The following HDAC4 variants were observed in gnomAD, a reference collection of about 807,000 sequenced individuals.
HDAC4 encodes the protein histone deacetylase A.
Under a neutral mutation model 135.1 loss-of-function variants are expected in HDAC4, and 16 were observed. The observed-to-expected ratio is 0.12, with a 90% CI of 0.08 to 0.18. HDAC4 has a LOEUF of 0.18. Among genes scored for constraint, HDAC4 ranks in the 10% least tolerant of loss-of-function variants. The probability of loss-of-function intolerance (pLI) is 1.00; values close to 1 mark genes in which losing one functional copy is unlikely to be tolerated. For synonymous variants in HDAC4, 685 were observed against 653.4 expected (o/e 1.05, Z -0.74); for missense variants, 1,143 against 1,511.8 (o/e 0.76, Z 4.05).
At position 239,352,709 on chromosome 2, in the gene HDAC4, T is replaced by C. The variant is rs1369156162; in HGVS notation, c.-10A>G. 25 of 1,556,924 alleles carry C rather than the reference T, an allele frequency of 1.6e-5. No individual in the cohort carries two copies. In the South Asian group the frequency reaches 1.8e-4, roughly 11 times the overall value. ...GGCTTTGGGAGCTCATTGCTAGCAA[T>C]GTCCACTCCTTTAAGTGATTCGAAA... On this transcript the variant is annotated 5_prime_UTR_variant, in exon 2 of 27. Transcript: ENST00000543185. The surrounding 1 kb of genome is among the most constrained non-coding windows in gnomAD (Gnocchi z 4.4).
Position 239,307,584 on chromosome 2 carries a change from C to T in HDAC4, c.22+45094G>A, listed in dbSNP as rs1273862663. ...AAGTGAGTGTCTGCTTCCTGGACCT[C>T]GCAGACTCACCAGGGACCCTAAACT... is the stretch of plus-strand genomic sequence containing the variant. On this transcript the variant is annotated intron_variant, in intron 2 of 26. Coordinates refer to ENST00000543185, the MANE Select transcript of HDAC4 (RefSeq NM_001378414.1). This position sits in a 1 kb window ranked among gnomAD's most constrained non-coding sequence, Gnocchi z 4.8. 1.3e-5 allele frequency among the ~76,000 whole-genome samples: 2 copies of T among 152,168 alleles called. No homozygotes were observed. The highest frequency in any genetic ancestry group is 2.9e-5 in the Non-Finnish European group (2 of 68,038).
At chr2:239,098,267 C>T (rs1392339388) in intron 16 of HDAC4, among the ~76,000 whole-genome samples, 10 of 152,330 alleles carry the variant, frequency 6.6e-5, no homozygotes, top group South Asian at 2.1e-4. Flanking sequence ...GGCCACGAAA[C>T]GTTCCAGCCT....
chr2:239,289,549 C>T (rs1368851217), intron 2 of HDAC4, among the ~76,000 whole-genome samples: 1 of 152,048 alleles, frequency 6.6e-6, no homozygotes, highest in African/African-American at 2.4e-5. Context: ...AGCACCAGGC[C>T]AATAAAGAAT....
intron 3 of HDAC4, among the ~76,000 whole-genome samples, chr2:239,219,017 GC>G (rs1474530929): frequency 7.7e-6 from 1 of 129,050 alleles, no homozygotes; most frequent in African/African-American, 2.8e-5. Context: ...TTACACTGTT[GC>G]TGGGACTGTA....
chr2:239,189,756 C>T (rs909642946), intron 4 of HDAC4, 77 bp downstream of exon 4: 39 of 1,436,290 alleles, frequency 2.7e-5, no homozygotes, highest in African/African-American at 2.5e-4. Context: ...GCACACTCCG[C>T]GGAGGCAGGG....
chr2:239,377,586 GC>G (rs1196624249), intron 1 of HDAC4, among the ~76,000 whole-genome samples: 2 of 152,206 alleles, frequency 1.3e-5, no homozygotes, highest in African/African-American at 4.8e-5. Flanking sequence ...GATGTATCCT[GC>G]CTCACTTCGC....
intron 3 of HDAC4, among the ~76,000 whole-genome samples, chr2:239,236,204 TCTGTC>T (rs2047877097): frequency 6.6e-6 from 1 of 152,160 alleles, no homozygotes; most frequent in Non-Finnish European, 1.5e-5. Flanking sequence ...AAAGGCGCGG[TCTGTC>T]CACGGTCACG....
intron 7 of HDAC4, 66 bp from the exon 8 acceptor site, chr2:239,144,780 G>A: frequency 6.3e-7 from 1 of 1,577,074 alleles, no homozygotes; most frequent in Non-Finnish European, 8.7e-7. Flanking sequence ...TCCTGTTGGT[G>A]GTTTTTTAAA....
At chr2:239,369,785 G>A (rs1230558764) in intron 1 of HDAC4, among the ~76,000 whole-genome samples, 2 of 152,098 alleles carry the variant, frequency 1.3e-5, no homozygotes, top group Non-Finnish European at 2.9e-5. Context: ...AGAACACACA[G>A]AATCGTAGCC....
intron 2 of HDAC4, among the ~76,000 whole-genome samples, chr2:239,272,656 C>A (rs1181026045): frequency 6.6e-6 from 1 of 152,194 alleles, no homozygotes; most frequent in Non-Finnish European, 1.5e-5. Flanking sequence ...CAAAAAGATA[C>A]AAGACCACCC....
In HDAC4 at chr2:239,050,261, C is replaced by G. The variant is rs949816293; in HGVS notation, c.*2836G>C. 1 of 152,222 alleles carries G rather than the reference C, an allele frequency of 6.6e-6. No individual in the cohort carries two copies. The highest frequency in any genetic ancestry group is 2.4e-5 in the African/African-American group (1 of 41,422). The allele number at this position is 152,222 out of a possible 1,614,324, so 9.4% of individuals were successfully genotyped here. On this transcript the variant is annotated 3_prime_UTR_variant, in exon 27 of 27. Transcript: ENST00000543185. ...TAGAATTAAGTCCCCCCACTGATAACCTGGCCACTGAGCAGTCCATGTTAT... is the reference window on the plus strand; with the variant it reads ...TAGAATTAAGTCCCCCCACTGATAAGCTGGCCACTGAGCAGTCCATGTTAT...
rs1042232851 is a variant in HDAC4 at position 239,400,377 on chromosome 2, C to T, written c.-220+601G>A. Reference sequence around the variant, plus strand: ...TCACTCCCGGCGGCCCGGAGCCCACCTGCTCGGGGGGCGCGGGCCCCGCAC... The same window carrying T: ...TCACTCCCGGCGGCCCGGAGCCCACTTGCTCGGGGGGCGCGGGCCCCGCAC... On this transcript the variant is annotated intron_variant, in intron 1 of 26. Coordinates refer to ENST00000543185, the MANE Select transcript of HDAC4 (RefSeq NM_001378414.1). The surrounding 1 kb of genome is among the most constrained non-coding windows in gnomAD (Gnocchi z 4.7). 2 of 147,942 alleles carry T rather than the reference C, an allele frequency of 1.4e-5. No individual in the cohort carries two copies. Among genetic ancestry groups the T allele is most frequent in the Non-Finnish European group, 3.0e-5 (2 of 66,402 alleles). 9.2% of individuals were successfully genotyped at this position (147,942 alleles called of 1,614,324 possible). A position where few individuals can be genotyped will look rare whatever the true frequency, so the allele number is the denominator to read the frequency against.
At chr2:239,179,362 G>A (rs530962052) in intron 4 of HDAC4, among the ~76,000 whole-genome samples, 15 of 152,350 alleles carry the variant, frequency 9.8e-5, no homozygotes, top group Admixed American at 6.5e-4. Context: ...GTAAGTGGCA[G>A]GCTAGGGAGC....
At chr2:239,368,309 A>T (rs12232929) in intron 1 of HDAC4, among the ~76,000 whole-genome samples, 1 of 151,936 alleles carries the variant, frequency 6.6e-6, no homozygotes, top group Non-Finnish European at 1.5e-5. Context: ...GCAGAGACAC[A>T]GGAACTTGGC....
rs538563116 is a variant in HDAC4 at position 239,331,627 on chromosome 2, G to A, written c.22+21051C>T. On this transcript the variant is annotated intron_variant, in intron 2 of 26. Transcript: ENST00000543185. The surrounding 1 kb of genome is among the most constrained non-coding windows in gnomAD (Gnocchi z 4.5). ...GGTGAGCGAACTGCAATGACACGTCGCCAGGGCTGCACTGGACCCACCGTG... is the reference window on the plus strand; with the variant it reads ...GGTGAGCGAACTGCAATGACACGTCACCAGGGCTGCACTGGACCCACCGTG... Among the ~76,000 whole-genome samples the A allele has an allele frequency of 3.3e-5, 5 of 152,266 alleles. No homozygotes were observed. Among genetic ancestry groups the A allele is most frequent in the Admixed American group, 1.3e-4 (2 of 15,294 alleles).
At chr2:239,357,484 A>G (rs2125941077) in intron 1 of HDAC4, among the ~76,000 whole-genome samples, 1 of 152,146 alleles carries the variant, frequency 6.6e-6, no homozygotes, top group South Asian at 2.1e-4. Context: ...AGACAACAGA[A>G]CAGAGAAAAA....
upstream of HDAC4, chr2:239,401,074 C>G (rs1382826459): frequency 6.6e-6 from 1 of 151,974 alleles, no homozygotes; most frequent in African/African-American, 2.4e-5. Context: ...CCCAGCCAGC[C>G]GGCGGCTCGC....
rs142851772 is a variant in HDAC4, at chr2:239,124,444, G to A, written c.1533+2012C>T. Among the ~76,000 whole-genome samples, 39 of 152,346 alleles carry A rather than the reference G, an allele frequency of 2.6e-4. No homozygotes were observed. The East Asian group carries it at 6.6e-3, about 26-fold the overall frequency. ...TGGCATCCTGCTTCCAAGGCTTCCC[G>A]TGCTGCCGCTTGTCAGTGTCATTCC... On this transcript the variant is annotated intron_variant, in intron 12 of 26. Coordinates refer to ENST00000543185, the MANE Select transcript of HDAC4 (RefSeq NM_001378414.1).
At chr2:239,053,277 C>T in intron 26 of HDAC4, 141 bp from the exon 27 acceptor site, 1 of 1,339,938 alleles carries the variant, frequency 7.5e-7, no homozygotes. Flanking sequence ...TCCATCTGTT[C>T]AGGATCTAAT....
Sources: gnomAD v4.1 joint callset for allele counts (sites outside exome capture counted in the v4.1 genomes callset) on GRCh38, gnomAD v4.1.1 for gene constraint, Gnocchi (gnomAD v3.1) non-coding constraint, MANE v1.5 for transcripts, NCBI Gene and HGNC (gene_info 2026-07-23, HGNC 2026-07-21) for gene names.